Variants in OTOGL observed in about 807,000 individuals in gnomAD.
The protein encoded by OTOGL is otogelin like.
A neutral mutation model predicts 318.5 loss-of-function variants in OTOGL; 285 were observed. The ratio of observed to expected loss-of-function variants is 0.89; its 90% confidence interval spans 0.81 to 0.99. OTOGL has a LOEUF of 0.99. OTOGL is among the 50% of genes least tolerant of loss of function. The pLI, the probability that OTOGL is intolerant of heterozygous loss-of-function variation, is 0.00. For synonymous variants in OTOGL, 987 were observed against 936.5 expected (o/e 1.05, Z -0.99); for missense variants, 2,899 against 2,845.6 (o/e 1.02, Z -0.43).
At chr12:80,369,879 G>GC (rs1205255792) in intron 55 of OTOGL, among the ~76,000 whole-genome samples, 1 of 151,830 alleles carries the variant, frequency 6.6e-6, no homozygotes, top group Admixed American at 6.6e-5. Context: ...ATGAAGTAAT[G>GC]CTGACATTAA....
chr12:80,308,090 G>T (rs1886336474), intron 29 of OTOGL, among the ~76,000 whole-genome samples: 2 of 145,494 alleles, frequency 1.4e-5, no homozygotes, highest in African/African-American at 2.6e-5. Flanking sequence ...CTGGCCGGGT[G>T]GGGGGCTGAC....
At chr12:80,213,785 T>G (rs1877460565) in intron 4 of OTOGL, among the ~76,000 whole-genome samples, 1 of 152,194 alleles carries the variant, frequency 6.6e-6, no homozygotes, top group Non-Finnish European at 1.5e-5. Flanking sequence ...TTCTGAACAA[T>G]TTTTAAAAGA....
At chr12:80,373,788 C>T (rs1249957803) in intron 57 of OTOGL, among the ~76,000 whole-genome samples, 9 of 151,898 alleles carry the variant, frequency 5.9e-5, no homozygotes. Flanking sequence ...CAAGTCATAC[C>T]TCTTGTAAGT....
Position 80,208,943 on chromosome 12 carries a change from T to A in OTOGL, c.-19-470T>A, listed in dbSNP as rs184442333. Among the ~76,000 whole-genome samples the A allele has an allele frequency of 6.6e-5, 10 of 152,246 alleles. No homozygotes were observed. In the East Asian group the frequency reaches 1.9e-3, roughly 29 times the overall value. On this transcript the variant is annotated intron_variant, in intron 1 of 58. Coordinates refer to ENST00000547103, the MANE Select transcript of OTOGL (RefSeq NM_001378609.3). ...GAAAACTTTTAATTATTCAAGAACA[T>A]GTAGACATCCTAGGAAAGATTGACA...
intron 2 of OTOGL, 63 bp downstream of exon 2, chr12:80,209,573 A>G: frequency 1.7e-6 from 2 of 1,160,028 alleles, no homozygotes; most frequent in Non-Finnish European, 2.4e-6. Flanking sequence ...TACAATTTAT[A>G]CAAATAGTTT....
intron 33 of OTOGL, 132 bp from the exon 34 acceptor site, chr12:80,320,290 T>A (rs767105927): frequency 9.2e-6 from 7 of 764,306 alleles, no homozygotes; most frequent in Non-Finnish European, 1.3e-5. Flanking sequence ...ATTTGTGAAA[T>A]CTTAGTTATT....
intron 1 of OTOGL, among the ~76,000 whole-genome samples, chr12:80,131,527 T>G: frequency 6.6e-6 from 1 of 152,198 alleles, no homozygotes; most frequent in East Asian, 1.9e-4. Context: ...TTTCAGTGAA[T>G]TATGTCCTAT....
chr12:80,122,019 T>G (rs1565867730), intron 1 of OTOGL, among the ~76,000 whole-genome samples: 1 of 152,116 alleles, frequency 6.6e-6, no homozygotes, highest in Admixed American at 6.6e-5. Context: ...ATGGCCAATA[T>G]AAATAATTCA....
chr12:80,319,644 G>T (rs909182723), intron 33 of OTOGL, among the ~76,000 whole-genome samples: 10 of 151,992 alleles, frequency 6.6e-5, no homozygotes, highest in African/African-American at 2.4e-4. Flanking sequence ...TATTGAATTT[G>T]GGAGAGCTCT....
chr12:80,229,590 G>T (rs563661926), intron 8 of OTOGL, among the ~76,000 whole-genome samples: 5 of 152,062 alleles, frequency 3.3e-5, no homozygotes, highest in Admixed American at 3.3e-4. Context: ...CCTAATGCTT[G>T]TGTGCAGAAT....
At chr12:80,132,696 T>C (rs1871314323) in intron 1 of OTOGL, 1 of 152,214 alleles carries the variant, frequency 6.6e-6, no homozygotes, top group Admixed American at 6.5e-5. Flanking sequence ...GTAATCAAGA[T>C]TCGACCACTT....
chr12:80,307,929 C>A (rs1489807174), intron 29 of OTOGL, among the ~76,000 whole-genome samples: 1 of 139,492 alleles, frequency 7.2e-6, no homozygotes, highest in Non-Finnish European at 1.5e-5. Flanking sequence ...GCTGACCCCC[C>A]CACCTCCCTC....
chr12:80,234,175 T>C (rs550125451), intron 9 of OTOGL, among the ~76,000 whole-genome samples: 1 of 152,296 alleles, frequency 6.6e-6, no homozygotes, highest in East Asian at 1.9e-4. Context: ...GGTCTCAGCC[T>C]CTCAAGTAGC....
chr12:80,113,184 A>G (rs560054480), intron 1 of OTOGL, among the ~76,000 whole-genome samples: 2 of 152,126 alleles, frequency 1.3e-5, no homozygotes, highest in East Asian at 3.9e-4. Context: ...TATTTTGTTA[A>G]TCTTTTCAAA....
At chr12:80,214,777 T>C (rs923805295) in intron 4 of OTOGL, among the ~76,000 whole-genome samples, 3 of 152,180 alleles carry the variant, frequency 2.0e-5, no homozygotes, top group African/African-American at 4.8e-5. Flanking sequence ...GAAGAAGTCA[T>C]TTCTGTGCAA....
rs746698147 is a variant in OTOGL at position 80,253,496 on chromosome 12, C to T, written c.1316C>T (p.Ser439Phe). 5 of 1,613,138 alleles carry T rather than the reference C, an allele frequency of 3.1e-6. No homozygotes were observed. The highest frequency in any genetic ancestry group is 3.4e-6 in the Non-Finnish European group (4 of 1,179,364). Residue 439 changes from serine (S) to phenylalanine (F), a missense_variant, in exon 14 of 59, where the codon TCC becomes TTC. This residue lies in a region of OTOGL where 2,607 missense variants were observed against 2,524.9 expected (regional missense o/e 1.03). Transcript: ENST00000547103. Reference protein sequence around the residue: ...GLVMDNGTCISLENCPCGFHG... With the variant: ...GLVMDNGTCIFLENCPCGFHG... ...GTAATGGACAATGGGACTTGCATCT[C>T]CTTGGAAAATTGCCCATGCGGTTTT... is the stretch of plus-strand genomic sequence containing the variant.
intron 1 of OTOGL, among the ~76,000 whole-genome samples, chr12:80,168,464 C>T (rs900257407): frequency 1.3e-5 from 2 of 152,028 alleles, no homozygotes; most frequent in Non-Finnish European, 2.9e-5. Flanking sequence ...CACAGAATAA[C>T]CATACTGGGG....
chr12:80,302,687 T>C lies in OTOGL; in HGVS notation c.3117T>C (p.Ala1039=). The change falls in exon 28 of 59, where the codon GCT becomes GCC. Residue 1039 remains alanine, a synonymous_variant. Transcript: ENST00000547103. The part of the protein sequence containing the change: ...ENKSTYQLWK[A]GYYIVVYFPE... ...AATCTACCTACCAGCTTTGGAAGGC[T>C]GGTTACTATATAGTAGTATACTTTC... 6.9e-7 allele frequency: 1 copy of C among 1,444,204 alleles called. No individual in the cohort carries two copies. Among genetic ancestry groups the C allele is most frequent in the Non-Finnish European group, 9.1e-7 (1 of 1,096,444 alleles). 89.5% of individuals were successfully genotyped at this position (1,444,204 alleles called of 1,614,324 possible).
At chr12:80,354,118 A>G (rs995532438) in intron 46 of OTOGL, among the ~76,000 whole-genome samples, 1 of 152,182 alleles carries the variant, frequency 6.6e-6, no homozygotes, top group Non-Finnish European at 1.5e-5. Flanking sequence ...TCATCAATAG[A>G]TAATGCCTTC....
Sources: allele counts gnomAD v4.1 joint callset (sites outside exome capture counted in the v4.1 genomes callset), GRCh38; gene constraint gnomAD v4.1.1; regional missense constraint gnomAD v4.1.1; transcripts MANE v1.5; gene names NCBI Gene and HGNC (gene_info 2026-07-23, HGNC 2026-07-21).